The following ZNF273 variants were observed in gnomAD, a reference collection of about 807,000 sequenced individuals.
ZNF273 encodes zinc finger protein 9.
In ZNF273, 11 loss-of-function variants were observed where a neutral mutation model predicts 14.9. The observed-to-expected ratio is 0.74, with a 90% confidence interval of 0.46 to 1.22. ZNF273 has a LOEUF of 1.22. ZNF273 is among the 50% of genes most tolerant of loss of function. The pLI, the probability that ZNF273 is intolerant of heterozygous loss-of-function variation, is 0.00. For missense variants in ZNF273, 577 were observed against 660.6 expected (o/e 0.87, Z 1.39); for synonymous variants, 199 against 223.9 (o/e 0.89, Z 0.99).
At chr7:64,891,289 A>T (rs894658373), downstream of ZNF273, among the ~76,000 whole-genome samples, 3 of 152,200 alleles carry the variant, frequency 2.0e-5, no homozygotes, top group Non-Finnish European at 4.4e-5. Context: ...CAGAGTAGCC[A>T]CTGGGGCTTA....
At chr7:64,914,925 CTTTT>C (rs35818236) in intron 1 of ZNF273, among the ~76,000 whole-genome samples, 1 of 133,398 alleles carries the variant, frequency 7.5e-6, no homozygotes, top group African/African-American at 2.8e-5. Context: ...AAAAAATGGC[CTTTT>C]TTTTTTTTTT....
chr7:64,932,542 G>A (rs1793301538), downstream of ZNF273, among the ~76,000 whole-genome samples: 1 of 152,074 alleles, frequency 6.6e-6, no homozygotes, highest in Non-Finnish European at 1.5e-5. Flanking sequence ...GACCTTAGGT[G>A]ATCCGCCCAC....
intron 1 of ZNF273, among the ~76,000 whole-genome samples, chr7:64,909,103 A>G (rs761643482): frequency 1.7e-4 from 26 of 152,146 alleles, no homozygotes; most frequent in Admixed American, 7.2e-4. Context: ...TTTTGTACGT[A>G]CGGGGTTTTG....
downstream of ZNF273, among the ~76,000 whole-genome samples, chr7:64,891,153 T>A (rs1792008663): frequency 1.3e-5 from 2 of 152,194 alleles, no homozygotes; most frequent in South Asian, 4.1e-4. Flanking sequence ...AACTCAAGCC[T>A]TGCAGCTGGA....
At chr7:64,899,393 G>T (rs975017346), upstream of ZNF273, among the ~76,000 whole-genome samples, 4 of 152,122 alleles carry the variant, frequency 2.6e-5, no homozygotes, top group Non-Finnish European at 5.9e-5. Flanking sequence ...AGTGGCTCAC[G>T]CCTGTAATCC....
At position 64,928,169 on chromosome 7, in the gene ZNF273, A is replaced by T. The variant is rs781272301; in HGVS notation, c.841A>T (p.Lys281Ter). The part of the protein sequence containing the change: ...FNQSLTLTKH[K>*]KIHTEEKPYK... ...CCAGTCCTTAACTCTTACTAAACAT[A>T]AAAAAATTCATACTGAAGAGAAACC... Residue 281 changes from lysine to a stop codon, truncating the protein, a stop_gained, in exon 4 of 4, where the codon AAA (lysine) becomes TAA (stop). Transcript: ENST00000476120. LOFTEE classifies it low-confidence loss of function (END_TRUNC). 4.3e-6 allele frequency: 7 copies of T among 1,612,870 alleles called. No homozygotes were observed. Among genetic ancestry groups the T allele is most frequent in the Non-Finnish European group, 5.9e-6 (7 of 1,179,692 alleles).
chr7:64,934,204 C>A (rs1795043292), downstream of ZNF273, among the ~76,000 whole-genome samples: 2 of 133,062 alleles, frequency 1.5e-5, no homozygotes, highest in Non-Finnish European at 3.5e-5. Context: ...AAGTTTCTTA[C>A]ATTTTTTTTT....
downstream of ZNF273, among the ~76,000 whole-genome samples, chr7:64,884,371 C>T (rs1791454912): frequency 6.6e-6 from 1 of 152,166 alleles, no homozygotes; most frequent in Non-Finnish European, 1.5e-5. Context: ...TTTCCCTTTG[C>T]TTTCATGGGG....
chr7:64,909,410 G>A (rs1793335285), intron 1 of ZNF273, among the ~76,000 whole-genome samples: 1 of 151,830 alleles, frequency 6.6e-6, no homozygotes, highest in South Asian at 2.1e-4. Flanking sequence ...GTATTTTTTA[G>A]TAGAGACGGG....
At chr7:64,892,104 C>T (rs1045543973), downstream of ZNF273, among the ~76,000 whole-genome samples, 3 of 152,188 alleles carry the variant, frequency 2.0e-5, no homozygotes, top group African/African-American at 7.2e-5. Flanking sequence ...AAACTGCATG[C>T]CTCCTTTCCT....
chr7:64,903,985 A>G (rs886447136), intron 1 of ZNF273, among the ~76,000 whole-genome samples: 1 of 152,162 alleles, frequency 6.6e-6, no homozygotes, highest in South Asian at 2.1e-4. Context: ...CAGGGTGGAC[A>G]TTTCCTGGTT....
chr7:64,927,363 C>G (rs1180583149), intron 3 of ZNF273, among the ~76,000 whole-genome samples: 1 of 150,718 alleles, frequency 6.6e-6, no homozygotes, highest in Non-Finnish European at 1.5e-5. Flanking sequence ...GCTGGGATTA[C>G]AGGCATGAGC....
the ZNF273 span, among the ~76,000 whole-genome samples, chr7:64,936,702 T>A: frequency 1.3e-5 from 2 of 152,178 alleles, no homozygotes; most frequent in South Asian, 4.1e-4. Flanking sequence ...AGCTAAAAAT[T>A]TTTTCAGTAA....
chr7:64,903,295 C>T lies in ZNF273; in HGVS notation c.-23C>T, dbSNP rs763861419. The T allele has an allele frequency of 2.7e-5, 43 of 1,585,872 alleles. No individual in the cohort carries two copies. In the East Asian group the frequency reaches 9.2e-4, roughly 34 times the overall value. On this transcript the variant is annotated 5_prime_UTR_variant, in exon 1 of 4. Transcript: ENST00000476120. The stretch of plus-strand genomic sequence containing the variant: ...TTTGTCTCTCGCTGCAGTCGCAGCT[C>T]CAGGTCTCGTCTTCACTGCTCTATG...
intron 1 of ZNF273, among the ~76,000 whole-genome samples, chr7:64,912,107 C>T (rs546829136): frequency 1.3e-4 from 20 of 152,142 alleles, no homozygotes; most frequent in Non-Finnish European, 2.4e-4. Context: ...CACAGGTGCC[C>T]GCCACCATAC....
At chr7:64,916,947 A>T (rs1794050196) in intron 1 of ZNF273, 3 of 1,165,654 alleles carry the variant, frequency 2.6e-6, no homozygotes, top group Non-Finnish European at 3.2e-6. Context: ...CATCACATTT[A>T]ATCTGGAAGC....
intron 3 of ZNF273, among the ~76,000 whole-genome samples, chr7:64,922,871 CATGAGA>C (rs1794568588): frequency 6.6e-6 from 1 of 151,994 alleles, no homozygotes; most frequent in Non-Finnish European, 1.5e-5. Context: ...GAGGCTGAGG[CATGAGA>C]ATCGCTTGAG....
intron 1 of ZNF273, chr7:64,888,540 C>T (rs1791750096): frequency 2.0e-5 from 20 of 985,776 alleles, no homozygotes; most frequent in Non-Finnish European, 2.4e-5. Context: ...GAAACCCATT[C>T]GTTCTTTATT....
Position 64,917,688 on chromosome 7 carries a change from C to A in ZNF273, c.210C>A (p.Tyr70Ter), listed in dbSNP as rs1583999027. 6.3e-7 allele frequency: 1 copy of A among 1,595,568 alleles called. No homozygotes were observed. The highest frequency in any genetic ancestry group is 1.1e-5 in the South Asian group (1 of 90,458). The change falls in exon 2 of 4, where the codon TAC becomes TAA. Residue 70 changes from tyrosine (Y) to a stop codon, truncating the protein, a stop_gained. Transcript: ENST00000476120. LOFTEE classifies it high-confidence loss of function. ...ATAGGAATGTGATGTTAGATAACTACAGAAACCTGGTCTTCCTGGGTGAGG... is the reference window on the plus strand; with the variant it reads ...ATAGGAATGTGATGTTAGATAACTAAAGAAACCTGGTCTTCCTGGGTGAGG... ...NLYRNVMLDN[Y>*]RNLVFLGIAV...
Sources: allele counts gnomAD v4.1 joint callset (sites outside exome capture counted in the v4.1 genomes callset), GRCh38; gene constraint gnomAD v4.1.1; transcripts MANE v1.5; gene names NCBI Gene and HGNC (gene_info 2026-07-23, HGNC 2026-07-21).